The following SMC6 variants were observed in gnomAD, a reference collection of about 807,000 sequenced individuals.
SMC6 encodes the protein structural maintenance of chromosomes protein 6.
In SMC6, 79 loss-of-function variants were observed where a neutral mutation model predicts 142.2. The ratio of observed to expected loss-of-function variants is 0.56; its 90% CI spans 0.46 to 0.67. The LOEUF (loss-of-function observed/expected upper bound fraction) is 0.67, where lower values mean the gene tolerates loss of function less well. Among genes scored for constraint, SMC6 ranks in the 30% least tolerant of loss-of-function variants. The pLI, the probability that SMC6 is intolerant of heterozygous loss-of-function variation, is 0.00. For missense variants in SMC6, 1,072 were observed against 1,284.0 expected (o/e 0.83, Z 2.52); for synonymous variants, 411 against 412.4 (o/e 1.00, Z 0.04).
intron 2 of SMC6, among the ~76,000 whole-genome samples, chr2:17,751,079 A>G (rs1347816644): frequency 6.8e-6 from 1 of 148,120 alleles, no homozygotes; most frequent in Non-Finnish European, 1.5e-5. Flanking sequence ...GGTGTGCTTT[A>G]TAAAACTTCA....
chr2:17,692,143 T>C (rs995668662), intron 23 of SMC6, among the ~76,000 whole-genome samples: 2 of 152,186 alleles, frequency 1.3e-5, no homozygotes, highest in Non-Finnish European at 2.9e-5. Context: ...AGGTAATTTA[T>C]AGATTCACTG....
intron 16 of SMC6, among the ~76,000 whole-genome samples, chr2:17,712,600 A>T (rs767522973): frequency 6.6e-6 from 1 of 152,202 alleles, no homozygotes; most frequent in Non-Finnish European, 1.5e-5. Flanking sequence ...CTTCCTAGGT[A>T]CCTCTGTTAA....
At chr2:17,682,561 A>G (rs926482335) in intron 24 of SMC6, among the ~76,000 whole-genome samples, 2 of 152,172 alleles carry the variant, frequency 1.3e-5, no homozygotes, top group Non-Finnish European at 2.9e-5. Flanking sequence ...AGGCTGGGAA[A>G]AGAAATATCC....
At chr2:17,709,643 G>A (rs1668722071) in intron 16 of SMC6, among the ~76,000 whole-genome samples, 1 of 152,110 alleles carries the variant, frequency 6.6e-6, no homozygotes. Context: ...TGTTCCAGAG[G>A]ATAAAGGGAG....
chr2:17,753,192 G>A (rs1415414237), intron 1 of SMC6, 128 bp from the exon 2 acceptor site: 2 of 168,914 alleles, frequency 1.2e-5, no homozygotes, highest in Non-Finnish European at 1.2e-5. Flanking sequence ...AGTGATCTTT[G>A]CATACACCCT....
chr2:17,676,270 A>T (rs1400604025), intron 25 of SMC6, among the ~76,000 whole-genome samples: 1 of 151,956 alleles, frequency 6.6e-6, no homozygotes, highest in Non-Finnish European at 1.5e-5. Flanking sequence ...TTTATGATTA[A>T]CTCTATGTTC....
chr2:17,669,847 T>C (rs1666672389), intron 26 of SMC6, among the ~76,000 whole-genome samples: 1 of 152,236 alleles, frequency 6.6e-6, no homozygotes, highest in Non-Finnish European at 1.5e-5. Context: ...AGCCTCACTC[T>C]AACCATGAGA....
chr2:17,728,672 T>C (rs1669750684), intron 7 of SMC6, among the ~76,000 whole-genome samples: 1 of 152,016 alleles, frequency 6.6e-6, no homozygotes, highest in African/African-American at 2.4e-5. Flanking sequence ...ATCAGACACT[T>C]AAAGATATTA....
Position 17,700,250 on chromosome 2 carries a change from T to C in SMC6, c.2352A>G (p.Lys784=). 6.2e-7 allele frequency: 1 copy of C among 1,608,778 alleles called. No individual in the cohort carries two copies. The highest frequency in any genetic ancestry group is 8.5e-7 in the Non-Finnish European group (1 of 1,177,682). ...IEAENKYDAI[K]FKINQLSELA... is the part of the protein sequence containing the mutation. Reference sequence around the variant, plus strand: ...GCTCCGATAGTTGATTAATTTTGAATTTAATTGCATCATACTTATTTTCTG... The same window carrying C: ...GCTCCGATAGTTGATTAATTTTGAACTTAATTGCATCATACTTATTTTCTG... Residue 784 remains lysine, a synonymous_variant, in exon 21 of 28, where the codon AAA becomes AAG. Transcript: ENST00000448223.
intron 21 of SMC6, among the ~76,000 whole-genome samples, chr2:17,699,001 C>T (rs1223326000): frequency 6.6e-6 from 1 of 152,002 alleles, no homozygotes; most frequent in Non-Finnish European, 1.5e-5. Context: ...GTCCTAAATA[C>T]CTCCTCTACA....
At chr2:17,679,030 T>A (rs149728315) in intron 24 of SMC6, 66 bp from the exon 25 acceptor site, 2 of 1,094,184 alleles carry the variant, frequency 1.8e-6, no homozygotes, top group East Asian at 4.8e-5. Flanking sequence ...ATATTCAGCA[T>A]GATCTAAGCA....
chr2:17,670,483 A>G lies in SMC6; in HGVS notation c.3003T>C (p.Leu1001=), dbSNP rs146507725. ...ERSFSTVCFI[L]SLWSIAESPF... ...GAGATTCTGCGATGGACCACAGGGA[A>G]AGAATAAAACACACTGTGGAGAAAG... Residue 1001 remains leucine, a synonymous_variant, in exon 26 of 28, where the codon CTT becomes CTC. Coordinates refer to ENST00000448223, the MANE Select transcript of SMC6 (RefSeq NM_001142286.2). The G allele has an allele frequency of 9.0e-4, 1,448 of 1,613,660 alleles. 4 individuals are homozygous for G. Among genetic ancestry groups the G allele is most frequent in the Non-Finnish European group, 1.1e-3 (1,350 of 1,179,788 alleles).
intron 9 of SMC6, among the ~76,000 whole-genome samples, chr2:17,721,628 A>G (rs1482470692): frequency 2.0e-5 from 3 of 152,134 alleles, no homozygotes; most frequent in Non-Finnish European, 4.4e-5. Context: ...GGCATTCCAA[A>G]GAGAATGTAA....
intron 3 of SMC6, among the ~76,000 whole-genome samples, chr2:17,743,473 G>A (rs553924454): frequency 1.3e-5 from 2 of 152,116 alleles, no homozygotes; most frequent in African/African-American, 4.8e-5. Context: ...AAATTGAGAG[G>A]AAGATACAAA....
intron 9 of SMC6, among the ~76,000 whole-genome samples, chr2:17,723,079 C>A (rs1669452948): frequency 1.3e-5 from 2 of 151,732 alleles, no homozygotes; most frequent in South Asian, 4.2e-4. Context: ...AATAAACTTA[C>A]TGTACTACTA....
At chr2:17,738,379 G>C in intron 4 of SMC6, 53 bp from the exon 5 acceptor site, 2 of 1,301,836 alleles carry the variant, frequency 1.5e-6, no homozygotes, top group Middle Eastern at 3.8e-4. Flanking sequence ...AAAGGAAAAA[G>C]CTGACTCCTA....
intron 2 of SMC6, among the ~76,000 whole-genome samples, chr2:17,751,601 C>G (rs2125099683): frequency 6.6e-6 from 1 of 152,064 alleles, no homozygotes; most frequent in Admixed American, 6.5e-5. Context: ...GTGGGTGGAG[C>G]TAAGGAAGCT....
chr2:17,750,462 G>A (rs867116798), intron 2 of SMC6, among the ~76,000 whole-genome samples: 8 of 152,278 alleles, frequency 5.3e-5, no homozygotes, highest in African/African-American at 7.2e-5. Flanking sequence ...AGGAGAGACT[G>A]AGGCACAAGT....
chr2:17,711,670 G>A (rs138938840), intron 16 of SMC6, among the ~76,000 whole-genome samples: 306 of 152,192 alleles, frequency 2.0e-3, no homozygotes, highest in African/African-American at 7.1e-3. Flanking sequence ...GTCACCTGGA[G>A]TGCAGTGGCA....
Sources: allele counts gnomAD v4.1 joint callset (sites outside exome capture counted in the v4.1 genomes callset), GRCh38; gene constraint gnomAD v4.1.1; transcripts MANE v1.5; gene names NCBI Gene and HGNC (gene_info 2026-07-23, HGNC 2026-07-21).